Variants in TMEM132D observed in about 807,000 individuals in gnomAD.
TMEM132D encodes mature OL transmembrane protein.
TMEM132D carries 21 observed loss-of-function variants against 62.3 expected under a neutral mutation model. That is an observed-to-expected ratio of 0.34 (90% confidence interval 0.24 to 0.49). TMEM132D has a LOEUF of 0.49. Ranked by LOEUF, TMEM132D falls within the 20% of genes least tolerant of loss-of-function variation. TMEM132D has a pLI of 0.99. For synonymous variants in TMEM132D, 621 were observed against 575.6 expected (o/e 1.08, Z -1.13); for missense variants, 1,346 against 1,402.8 (o/e 0.96, Z 0.65).
At chr12:129,085,807 C>T (rs7309255) in intron 5 of TMEM132D, 3,308 of 152,314 alleles carry the variant, frequency 0.022, 122 homozygotes, top group African/African-American at 0.075. Flanking sequence ...TCCATGCCAG[C>T]GCTGATGGGA....
chr12:129,238,157 T>C (rs1183137844), intron 4 of TMEM132D, among the ~76,000 whole-genome samples: 1 of 152,158 alleles, frequency 6.6e-6, no homozygotes, highest in African/African-American at 2.4e-5. Flanking sequence ...GTGGCGATAA[T>C]GGGCACTACA....
At chr12:129,468,185 T>TTG (rs34249925) in intron 3 of TMEM132D, among the ~76,000 whole-genome samples, 63,567 of 150,958 alleles carry the variant, frequency 0.42, 13,381 homozygotes, top group East Asian at 0.53. Flanking sequence ...ACACAAAGCT[T>TTG]TGTGTGTGTG....
At chr12:129,407,193 C>T (rs978653908) in intron 3 of TMEM132D, among the ~76,000 whole-genome samples, 1 of 152,180 alleles carries the variant, frequency 6.6e-6, no homozygotes, top group Non-Finnish European at 1.5e-5. Context: ...TAATTACAAC[C>T]GCAGGCTAAT....
chr12:129,737,221 T>C (rs1307234331), intron 1 of TMEM132D, among the ~76,000 whole-genome samples: 1 of 152,168 alleles, frequency 6.6e-6, no homozygotes, highest in Non-Finnish European at 1.5e-5. Context: ...ATTCCTGACC[T>C]CTACTCACAA....
intron 5 of TMEM132D, among the ~76,000 whole-genome samples, chr12:129,146,453 C>T (rs1374198214): frequency 1.3e-5 from 2 of 152,166 alleles, no homozygotes; most frequent in Non-Finnish European, 2.9e-5. Flanking sequence ...CCATGGCCAC[C>T]AAAGTAGTCT....
At chr12:129,475,982 G>A (rs1348958966) in intron 3 of TMEM132D, among the ~76,000 whole-genome samples, 1 of 152,198 alleles carries the variant, frequency 6.6e-6, no homozygotes, top group Non-Finnish European at 1.5e-5. Context: ...CAAGTTTTAT[G>A]CTCACGTATT....
chr12:129,405,065 A>G (rs1871740712), intron 3 of TMEM132D, among the ~76,000 whole-genome samples: 1 of 152,118 alleles, frequency 6.6e-6, no homozygotes, highest in African/African-American at 2.4e-5. Flanking sequence ...TTAATTTTTG[A>G]AACTTTAAAT....
intron 5 of TMEM132D, among the ~76,000 whole-genome samples, chr12:129,128,076 G>C (rs920610802): frequency 6.6e-6 from 1 of 152,176 alleles, no homozygotes; most frequent in Non-Finnish European, 1.5e-5. Flanking sequence ...AACCGGGACA[G>C]TTGGTCTCCC....
intron 3 of TMEM132D, among the ~76,000 whole-genome samples, chr12:129,464,529 G>T (rs1378717924): frequency 6.6e-6 from 1 of 152,178 alleles, no homozygotes; most frequent in Non-Finnish European, 1.5e-5. Flanking sequence ...TGGTGTTTTA[G>T]ACATGAAGTC....
chr12:129,495,340 C>A (rs1593037348), intron 3 of TMEM132D, among the ~76,000 whole-genome samples: 3 of 152,172 alleles, frequency 2.0e-5, no homozygotes, highest in South Asian at 2.1e-4. Flanking sequence ...CTGGCCTAGG[C>A]TGACAATGGA....
At chr12:129,417,613 G>C (rs1247966049) in intron 3 of TMEM132D, among the ~76,000 whole-genome samples, 1 of 152,134 alleles carries the variant, frequency 6.6e-6, no homozygotes, top group East Asian at 1.9e-4. Context: ...AGAAAACCTA[G>C]GCAATACCAT....
At chr12:129,608,858 G>A (rs986404520) in intron 2 of TMEM132D, among the ~76,000 whole-genome samples, 1 of 151,972 alleles carries the variant, frequency 6.6e-6, no homozygotes, top group Admixed American at 6.5e-5. Flanking sequence ...TTGCCTGGTG[G>A]CCTTGTTCAA....
intron 3 of TMEM132D, among the ~76,000 whole-genome samples, chr12:129,438,558 A>G (rs909514047): frequency 1.3e-5 from 2 of 152,220 alleles, no homozygotes; most frequent in Admixed American, 6.5e-5. Flanking sequence ...ATGAAGTCCA[A>G]AAACAGAGAC....
At chr12:129,499,192 A>C (rs1228051144) in intron 3 of TMEM132D, among the ~76,000 whole-genome samples, 1 of 152,240 alleles carries the variant, frequency 6.6e-6, no homozygotes, top group African/African-American at 2.4e-5. Flanking sequence ...CATATGCAAA[A>C]TATTGCACTT....
At chr12:129,130,261 A>T (rs963584941) in intron 5 of TMEM132D, among the ~76,000 whole-genome samples, 4 of 151,988 alleles carry the variant, frequency 2.6e-5, no homozygotes, top group African/African-American at 4.8e-5. Flanking sequence ...CCAAGGTCCC[A>T]TCTCCTTCTG....
At chr12:129,310,837 G>C (rs1881954680) in intron 4 of TMEM132D, among the ~76,000 whole-genome samples, 1 of 152,126 alleles carries the variant, frequency 6.6e-6, no homozygotes, top group Non-Finnish European at 1.5e-5. Context: ...TCCAGCCTCC[G>C]GGCTTGCATG....
At chr12:129,381,780 C>T (rs1870962418) in intron 3 of TMEM132D, among the ~76,000 whole-genome samples, 1 of 152,012 alleles carries the variant, frequency 6.6e-6, no homozygotes, top group South Asian at 2.1e-4. Context: ...GACAAATTTG[C>T]ACCAAATGAA....
chr12:129,829,613 C>T (rs1052368796), intron 1 of TMEM132D, among the ~76,000 whole-genome samples: 2 of 152,102 alleles, frequency 1.3e-5, no homozygotes, highest in Non-Finnish European at 2.9e-5. Flanking sequence ...AGCTGAGTCA[C>T]CTTAGCCCCG....
At chr12:129,686,603 C>A (rs1188263943) in intron 2 of TMEM132D, among the ~76,000 whole-genome samples, 1 of 152,132 alleles carries the variant, frequency 6.6e-6, no homozygotes, top group Non-Finnish European at 1.5e-5. Flanking sequence ...AAAAAAATTC[C>A]TTTTATAAAA....
Sources: allele counts gnomAD v4.1 joint callset (sites outside exome capture counted in the v4.1 genomes callset), GRCh38; gene constraint gnomAD v4.1.1; transcripts MANE v1.5; gene names NCBI Gene and HGNC (gene_info 2026-07-23, HGNC 2026-07-21).